The following ATP13A5 variants were observed in gnomAD, a reference collection of about 807,000 sequenced individuals.
ATP13A5 encodes probable cation-transporting ATPase 13A5.
ATP13A5 carries 149 observed loss-of-function variants against 150.2 expected under a neutral mutation model. The ratio of observed to expected loss-of-function variants is 0.99; its 90% confidence interval spans 0.87 to 1.14. The LOEUF is 1.14. ATP13A5 is among the 50% of genes most tolerant of loss of function. ATP13A5 has a pLI of 0.00. For missense variants in ATP13A5, 1,383 were observed against 1,449.3 expected (o/e 0.95, Z 0.74); for synonymous variants, 497 against 522.2 (o/e 0.95, Z 0.66).
At chr3:193,298,549 T>G (rs896728905) in intron 25 of ATP13A5, among the ~76,000 whole-genome samples, 1 of 152,118 alleles carries the variant, frequency 6.6e-6, no homozygotes, top group African/African-American at 2.4e-5. Flanking sequence ...GAGATGACAA[T>G]GCCATTCTTT....
chr3:193,356,576 T>G (rs376894803), intron 5 of ATP13A5, among the ~76,000 whole-genome samples: 36 of 151,798 alleles, frequency 2.4e-4, no homozygotes, highest in East Asian at 7.7e-4. Context: ...GAGACTCTAA[T>G]TTAAAAAAAA....
Position 193,340,650 on chromosome 3 carries a change from G to A in ATP13A5, c.943+3277C>T, listed in dbSNP as rs372902706. ...GGCAGAGTGCATGCCACCCCTCTTCGCCATAATTATCCCTAAGAGAATGAG... is the reference window on the plus strand; with the variant it reads ...GGCAGAGTGCATGCCACCCCTCTTCACCATAATTATCCCTAAGAGAATGAG... On this transcript the variant is annotated intron_variant, in intron 9 of 29. Coordinates refer to ENST00000342358, the MANE Select transcript of ATP13A5 (RefSeq NM_198505.4). 4.6e-5 allele frequency among the ~76,000 whole-genome samples: 7 copies of A among 152,244 alleles called. No individual in the cohort carries two copies. In the East Asian group the frequency reaches 1.2e-3, roughly 25 times the overall value.
rs1193874676 is a variant in ATP13A5, at chr3:193,302,381, C to G, written c.2679-1074G>C. On this transcript the variant is annotated intron_variant, in intron 23 of 29. Coordinates refer to ENST00000342358, the MANE Select transcript of ATP13A5 (RefSeq NM_198505.4). ...GAGCAGAAGACAAGCTGAGAAGGGG[C>G]AAGCATGTGAAGTATGGATCGTTTT... 2.0e-5 allele frequency among the ~76,000 whole-genome samples: 3 copies of G among 152,128 alleles called. No individual in the cohort carries two copies. In the East Asian group the frequency reaches 5.8e-4, roughly 29 times the overall value.
Position 193,319,259 on chromosome 3 carries a change from A to T in ATP13A5, c.1916-151T>A, listed in dbSNP as rs139334612. ...TTAGAGCTTCTCCTAAAGGCCACAA[A>T]CAACTTCATCAGTGTGTTCTTATTA... On this transcript the variant is annotated intron_variant, in intron 16 of 29. Coordinates refer to ENST00000342358, the MANE Select transcript of ATP13A5 (RefSeq NM_198505.4). 25 of 613,932 alleles carry T rather than the reference A, an allele frequency of 4.1e-5. No individual in the cohort carries two copies. The East Asian group carries it at 6.4e-4, about 16-fold the overall frequency. 38.0% of individuals were successfully genotyped at this position (613,932 alleles called of 1,614,324 possible). A position where few individuals can be genotyped will look rare whatever the true frequency, so the allele number is the denominator to read the frequency against.
At chr3:193,320,125 T>A (rs373845222) in intron 16 of ATP13A5, among the ~76,000 whole-genome samples, 2 of 152,258 alleles carry the variant, frequency 1.3e-5, no homozygotes, top group South Asian at 2.1e-4. Context: ...CAATGGGAGG[T>A]ATAGTAGCTT....
Position 193,284,909 on chromosome 3 carries a change from CT to C in ATP13A5, c.3226+4del, listed in dbSNP as rs745607312. 4.4e-6 allele frequency: 7 copies of C among 1,604,766 alleles called. No homozygotes were observed. The African/African-American group carries it at 9.4e-5, about 22-fold the overall frequency. ...AGAAAGAAAAATTAAACTTTATATA[CT>C]TACAGTTTGTATAGATGGGTTTTCG... is the stretch of plus-strand genomic sequence containing the variant. On this transcript the variant is annotated splice_donor_region_variant and intron_variant, in intron 27 of 29. Coordinates refer to ENST00000342358, the MANE Select transcript of ATP13A5 (RefSeq NM_198505.4).
At chr3:193,307,553 G>A (rs923639423) in intron 21 of ATP13A5, among the ~76,000 whole-genome samples, 184 bp from the exon 22 acceptor site, 13 of 152,188 alleles carry the variant, frequency 8.5e-5, no homozygotes, top group South Asian at 2.1e-4. Context: ...AGGCAGTTGC[G>A]TTATTTAAGT....
At chr3:193,336,431 C>G (rs560785899) in intron 9 of ATP13A5, among the ~76,000 whole-genome samples, 4 of 152,120 alleles carry the variant, frequency 2.6e-5, no homozygotes, top group Admixed American at 1.3e-4. Flanking sequence ...TGTTCCCCTT[C>G]CTGTGTCCAA....
chr3:193,275,053 C>T lies in ATP13A5; in HGVS notation c.3646G>A (p.Ala1216Thr), dbSNP rs145659956. Residue 1216 changes from alanine to threonine, a missense_variant, in exon 30 of 30, where the codon GCC (alanine) becomes ACC (threonine). Ala to Thr is a moderately conservative substitution (Grantham distance 58). This residue lies in a region of ATP13A5 where 568 missense variants were observed against 621.5 expected (regional missense o/e 0.91). Transcript: ENST00000342358. ...GACGACAATTCTGATTACAGCCTGG[C>T]CCAGAAATGCTGTTCTGTGGGTTGG... is the stretch of plus-strand genomic sequence containing the variant. The part of the protein sequence containing the change: ...GGQPTEQHFW[A>T]RL 3.1e-6 allele frequency: 5 copies of T among 1,613,982 alleles called. No homozygotes were observed. Among genetic ancestry groups the T allele is most frequent in the African/African-American group, 1.3e-5 (1 of 74,914 alleles).
At chr3:193,369,366 T>G (rs1306535665) in intron 1 of ATP13A5, among the ~76,000 whole-genome samples, 1 of 151,734 alleles carries the variant, frequency 6.6e-6, no homozygotes, top group Non-Finnish European at 1.5e-5. Flanking sequence ...CCCAGCACTT[T>G]GGGAGGCCAA....
At chr3:193,297,039 A>G (rs972957096) in intron 25 of ATP13A5, among the ~76,000 whole-genome samples, 40 of 152,114 alleles carry the variant, frequency 2.6e-4, no homozygotes, top group Admixed American at 6.6e-5. Flanking sequence ...TGATGGGTTG[A>G]ACTGTGCAGC....
rs201960903 is a variant in ATP13A5, at chr3:193,341,168, C to T, written c.943+2759G>A. On this transcript the variant is annotated intron_variant, in intron 9 of 29. Coordinates refer to ENST00000342358, the MANE Select transcript of ATP13A5 (RefSeq NM_198505.4). Reference sequence around the variant, plus strand: ...ATAATTTCTAAATTAACATATTCCCCCCCCCTCCCAAATGATATTCCCTTT... The same window carrying T: ...ATAATTTCTAAATTAACATATTCCCTCCCCCTCCCAAATGATATTCCCTTT... 1.6e-3 allele frequency among the ~76,000 whole-genome samples: 206 copies of T among 125,080 alleles called. 1 individual carries two copies. The highest frequency in any genetic ancestry group is 2.7e-3 in the Non-Finnish European group (154 of 57,886). The allele number at this position is 125,080 out of a possible 152,430, so 82.1% of individuals were successfully genotyped here.
intron 5 of ATP13A5, among the ~76,000 whole-genome samples, chr3:193,358,383 GC>G (rs1353041312): frequency 1.3e-5 from 2 of 152,178 alleles, no homozygotes; most frequent in African/African-American, 4.8e-5. Flanking sequence ...ACAGGACATG[GC>G]ATCCAACTTC....
chr3:193,351,221 A>C lies in ATP13A5; in HGVS notation c.607-20T>G. The C allele has an allele frequency of 6.2e-7, 1 of 1,613,370 alleles. No homozygotes were observed. The highest frequency in any genetic ancestry group is 8.5e-7 in the Non-Finnish European group (1 of 1,179,434). On this transcript the variant is annotated intron_variant, in intron 6 of 29. Transcript: ENST00000342358. ...TAAAACCTGCAGGCACAAAAATGGC[A>C]TTTGGGTCACTTGCATGAACCTTAG...
intron 19 of ATP13A5, among the ~76,000 whole-genome samples, chr3:193,312,326 T>C (rs1465336727): frequency 6.6e-6 from 1 of 152,214 alleles, no homozygotes; most frequent in African/African-American, 2.4e-5. Flanking sequence ...CATTCACTTA[T>C]TCCAAAATCA....
At chr3:193,334,251 G>A (rs1471542143) in intron 10 of ATP13A5, among the ~76,000 whole-genome samples, 6 of 152,146 alleles carry the variant, frequency 3.9e-5, no homozygotes, top group African/African-American at 7.2e-5. Flanking sequence ...TGAATAAGTC[G>A]GGTGGCAGAA....
intron 27 of ATP13A5, among the ~76,000 whole-genome samples, chr3:193,279,778 C>T (rs2108815181): frequency 6.6e-6 from 1 of 151,980 alleles, no homozygotes; most frequent in East Asian, 1.9e-4. Flanking sequence ...TTCTTGGCAC[C>T]ATCTCATTCT....
intron 21 of ATP13A5, among the ~76,000 whole-genome samples, chr3:193,309,862 A>G (rs1400490106): frequency 2.0e-5 from 3 of 152,028 alleles, no homozygotes; most frequent in African/African-American, 4.8e-5. Context: ...TTTTTTTTTA[A>G]TCCCCTTTTT....
At chr3:193,374,295 C>G (rs1453860099) in intron 1 of ATP13A5, among the ~76,000 whole-genome samples, 1 of 100,994 alleles carries the variant, frequency 9.9e-6, no homozygotes, top group Non-Finnish European at 2.1e-5. Flanking sequence ...CACACACACA[C>G]ACACACAGAG....
Sources: gnomAD v4.1 joint callset for allele counts (sites outside exome capture counted in the v4.1 genomes callset) on GRCh38, gnomAD v4.1.1 for gene constraint, gnomAD v4.1.1 regional missense constraint, MANE v1.5 for transcripts, NCBI Gene and HGNC (gene_info 2026-07-23, HGNC 2026-07-21) for gene names.